Variants in STAG3 observed in about 807,000 individuals in gnomAD.
STAG3 encodes the protein cohesin subunit SA-3.
A neutral mutation model predicts 160.7 loss-of-function variants in STAG3; 101 were observed. The ratio of observed to expected loss-of-function variants is 0.63; its 90% CI spans 0.54 to 0.74. The LOEUF (loss-of-function observed/expected upper bound fraction) is 0.74, where lower values mean the gene tolerates loss of function less well. STAG3 is among the 30% of genes least tolerant of loss of function. The probability of loss-of-function intolerance (pLI) is 0.00; values close to 1 mark genes in which losing one functional copy is unlikely to be tolerated. For synonymous variants in STAG3, 519 were observed against 585.0 expected (o/e 0.89, Z 1.63); for missense variants, 1,188 against 1,517.4 (o/e 0.78, Z 3.61).
At chr7:100,203,864 G>C (rs1417481771) in intron 25 of STAG3, among the ~76,000 whole-genome samples, 157 bp from the exon 26 acceptor site, 1 of 152,136 alleles carries the variant, frequency 6.6e-6, no homozygotes, top group East Asian at 1.9e-4. Context: ...TGCACCTGTT[G>C]ATTAGAGATG....
At chr7:100,197,675 A>G (rs1800774874) in intron 10 of STAG3, 103 bp from the exon 11 acceptor site, 1 of 931,956 alleles carries the variant, frequency 1.1e-6, no homozygotes, top group Admixed American at 1.7e-5. Flanking sequence ...GGGGACACCC[A>G]AGCTAGAATG....
chr7:100,197,963 A>C, intron 11 of STAG3, 87 bp downstream of exon 11: 1 of 1,501,474 alleles, frequency 6.7e-7, no homozygotes, highest in Middle Eastern at 1.7e-4. Flanking sequence ...ATGCTCTAAG[A>C]TGTCTTGGCT....
chr7:100,186,753 T>G (rs1164259765), intron 5 of STAG3, among the ~76,000 whole-genome samples: 1 of 152,184 alleles, frequency 6.6e-6, no homozygotes, highest in Non-Finnish European at 1.5e-5. Flanking sequence ...AGTGATCCAG[T>G]AGGGAACCAT....
At chr7:100,178,757 T>A (rs975155806) in intron 1 of STAG3, among the ~76,000 whole-genome samples, 4 of 151,998 alleles carry the variant, frequency 2.6e-5, no homozygotes, top group African/African-American at 9.7e-5. Context: ...CCAAACCCAC[T>A]GCCCAGTTTC....
intron 13 of STAG3, 88 bp from the exon 14 acceptor site, chr7:100,198,755 T>A: frequency 1.5e-6 from 2 of 1,319,120 alleles, no homozygotes; most frequent in Admixed American, 1.7e-5. Context: ...TCCTTTATCA[T>A]CTCCTTGGGC....
At chr7:100,208,911 A>C (rs1801910975) in intron 29 of STAG3, among the ~76,000 whole-genome samples, 2 of 152,226 alleles carry the variant, frequency 1.3e-5, no homozygotes, top group South Asian at 4.1e-4. Context: ...CCTAAAAAAT[A>C]AGTTAAAAGA....
intron 2 of STAG3, 97 bp from the exon 3 acceptor site, chr7:100,181,993 T>C: frequency 1.4e-6 from 1 of 721,146 alleles, no homozygotes; most frequent in Non-Finnish European, 2.3e-6. Flanking sequence ...CTCATGGAGA[T>C]GGGGTGCGGT....
chr7:100,188,623 T>G, intron 6 of STAG3, 94 bp downstream of exon 6: 4 of 1,206,310 alleles, frequency 3.3e-6, no homozygotes, highest in Non-Finnish European at 4.9e-6. Flanking sequence ...ATAGGGTAGC[T>G]TTTAGAAGGA....
At chr7:100,180,813 C>A in intron 2 of STAG3, 141 bp downstream of exon 2, 1 of 607,538 alleles carries the variant, frequency 1.6e-6, no homozygotes, top group Non-Finnish European at 3.0e-6. Flanking sequence ...TGACACCCTC[C>A]CTCCAGCTCC....
chr7:100,211,902 T>C, intron 32 of STAG3, 26 bp downstream of exon 32: 1 of 1,608,328 alleles, frequency 6.2e-7, no homozygotes, highest in Non-Finnish European at 8.5e-7. Context: ...TGCCCTTCTC[T>C]CTCAAGAACT....
chr7:100,199,169 A>C, intron 14 of STAG3, 93 bp from the exon 15 acceptor site: 1 of 965,838 alleles, frequency 1.0e-6, no homozygotes, highest in Middle Eastern at 2.2e-4. Context: ...GGGAGTGGAC[A>C]CTGTAGGAAG....
intron 4 of STAG3, among the ~76,000 whole-genome samples, chr7:100,184,463 G>GGTTTTTTTTTTTTTTTTTTTTTTTTTTTT (rs71126310): frequency 2.0e-5 from 2 of 98,552 alleles, no homozygotes; most frequent in Non-Finnish European, 1.9e-5. Flanking sequence ...CAGCGTGTTA[G>GGTTTTTTTTTTTTTTTTTTTTTTTTTTTT]TTTTTTTTTT....
At position 100,211,169 on chromosome 7, in the gene STAG3, T is replaced by C; in HGVS notation, c.3397T>C (p.Leu1133=). Residue 1133 remains leucine, a synonymous_variant, in exon 30 of 34, where the codon TTG becomes CTG. Transcript: ENST00000615138. ...KEMEEEDGSE[L]DFAQGSQPVA... Reference sequence around the variant, plus strand: ...GATGGAGGAAGAAGATGGCTCAGAGTTGGATTTTGCCCAGGGGTGAGGCCA... The same window carrying C: ...GATGGAGGAAGAAGATGGCTCAGAGCTGGATTTTGCCCAGGGGTGAGGCCA... 6.3e-7 allele frequency: 1 copy of C among 1,583,320 alleles called. No homozygotes were observed. The highest frequency in any genetic ancestry group is 1.4e-5 in the African/African-American group (1 of 73,840).
intron 4 of STAG3, among the ~76,000 whole-genome samples, chr7:100,183,308 C>T (rs1032301981): frequency 1.3e-5 from 2 of 152,206 alleles, no homozygotes; most frequent in African/African-American, 4.8e-5. Context: ...GTCACTGCAC[C>T]TGGCTTTGAG....
intron 13 of STAG3, 105 bp downstream of exon 13, chr7:100,198,687 C>A: frequency 7.9e-7 from 1 of 1,268,308 alleles, no homozygotes; most frequent in Non-Finnish European, 1.1e-6. Flanking sequence ...GAAAGTCTCC[C>A]TGGTGTCTCC....
downstream of STAG3, among the ~76,000 whole-genome samples, chr7:100,217,024 G>A (rs1205792260): frequency 6.6e-6 from 1 of 152,132 alleles, no homozygotes; most frequent in African/African-American, 2.4e-5. Flanking sequence ...TGAAGTGTGT[G>A]AGCTGCAGTG....
intron 5 of STAG3, among the ~76,000 whole-genome samples, chr7:100,187,993 T>G (rs1165001591): frequency 1.3e-5 from 2 of 152,100 alleles, no homozygotes; most frequent in Admixed American, 6.6e-5. Context: ...CCTGACCTTG[T>G]GATTCACCCA....
chr7:100,182,180 G>T lies in STAG3; in HGVS notation c.207G>T (p.Pro69=). Residue 69 remains proline (P), a synonymous_variant, in exon 3 of 34, where the codon CCG becomes CCT. Coordinates refer to ENST00000615138, the MANE Select transcript of STAG3 (RefSeq NM_001282717.2). The part of the protein sequence containing the change: ...NVKKRAAKRP[P]KTTPVAKHPK... ...AGAAGAGAGCAGCAAAACGACCACC[G>T]AAAACAACACCGGTGAGTCAGCCAG... The T allele has an allele frequency of 6.2e-7, 1 of 1,611,496 alleles. No homozygotes were observed. Among genetic ancestry groups the T allele is most frequent in the Non-Finnish European group, 8.5e-7 (1 of 1,179,340 alleles).
intron 8 of STAG3, among the ~76,000 whole-genome samples, chr7:100,192,121 T>G (rs1320888625): frequency 6.6e-6 from 1 of 152,244 alleles, no homozygotes; most frequent in Non-Finnish European, 1.5e-5. Context: ...TCTACTGAAG[T>G]CTTAAACCTC....
Sources: allele counts gnomAD v4.1 joint callset (sites outside exome capture counted in the v4.1 genomes callset), GRCh38; gene constraint gnomAD v4.1.1; transcripts MANE v1.5; gene names NCBI Gene and HGNC (gene_info 2026-07-23, HGNC 2026-07-21).